The following PHACTR2 variants were observed in gnomAD, a reference collection of about 807,000 sequenced individuals.
PHACTR2 encodes phosphatase and actin regulator 2, also known as chromosome 6 open reading frame 56.
Under a neutral mutation model 76.0 loss-of-function variants are expected in PHACTR2, and 30 were observed. That is an observed-to-expected ratio of 0.39 (90% confidence interval 0.30 to 0.54). The LOEUF (loss-of-function observed/expected upper bound fraction) is 0.54. Ranked by LOEUF, PHACTR2 falls within the 20% of genes least tolerant of loss-of-function variation. The probability of loss-of-function intolerance (pLI) is 0.61; values close to 1 mark genes in which losing one functional copy is unlikely to be tolerated. For missense variants in PHACTR2, 696 were observed against 781.1 expected (o/e 0.89, Z 1.30); for synonymous variants, 292 against 292.5 (o/e 1.00, Z 0.02).
At position 143,826,822 on chromosome 6, in the gene PHACTR2, T is replaced by G. The variant is rs1274633105; in HGVS notation, c.*3133T>G. 1 of 152,110 alleles carries G rather than the reference T, an allele frequency of 6.6e-6. No homozygotes were observed. Among genetic ancestry groups the G allele is most frequent in the African/African-American group, 2.4e-5 (1 of 41,402 alleles). The allele number at this position is 152,110 out of a possible 1,614,324, so 9.4% of individuals were successfully genotyped here. A position where few individuals can be genotyped will look rare whatever the true frequency, so the allele number is the denominator to read the frequency against. ...CTGAAATCTGTAATAGAGAACCATT[T>G]TGGCATTTGAACAGCTATTTTACAT... On this transcript the variant is annotated 3_prime_UTR_variant, in exon 13 of 13. Coordinates refer to ENST00000440869, the MANE Select transcript of PHACTR2 (RefSeq NM_001100164.2).
rs1221004367 is a variant in PHACTR2, at chr6:143,678,944, A to C, written c.46+735A>C. 6.6e-6 allele frequency among the ~76,000 whole-genome samples: 1 copy of C among 151,834 alleles called. No homozygotes were observed. The highest frequency in any genetic ancestry group is 2.0e-4 in the East Asian group (1 of 5,002). ...CATTTCCCCGACAGTGTAGGGATAAAAAAAAAAAAAACTGTTTGGTGGTGT... is the reference window on the plus strand; with the variant it reads ...CATTTCCCCGACAGTGTAGGGATAACAAAAAAAAAAACTGTTTGGTGGTGT... On this transcript the variant is annotated intron_variant, in intron 1 of 12. Transcript: ENST00000440869. The surrounding 1 kb of genome is among the most constrained non-coding windows in gnomAD (Gnocchi z 6.2).
At position 143,547,259 on chromosome 6, in the gene PHACTR2, A is replaced by C. The variant is rs1775013246; in HGVS notation, c.217+10052A>C. On this transcript the variant is annotated intron_variant, in intron 1 of 11. Transcript: ENST00000367584. This position sits in a 1 kb window ranked among gnomAD's most constrained non-coding sequence, Gnocchi z 4.2. ...TACCTCAATTGTAGCTCTTTCTAAAAATCATGTCTACATTTGAGTGACATA... is the reference window on the plus strand; with the variant it reads ...TACCTCAATTGTAGCTCTTTCTAAACATCATGTCTACATTTGAGTGACATA... Among the ~76,000 whole-genome samples, 1 of 152,218 alleles carries C rather than the reference A, an allele frequency of 6.6e-6. No individual in the cohort carries two copies. The highest frequency in any genetic ancestry group is 6.5e-5 in the Admixed American group (1 of 15,284).
chr6:143,720,728 C>G (rs1194195968), intron 2 of PHACTR2, among the ~76,000 whole-genome samples: 1 of 152,122 alleles, frequency 6.6e-6, no homozygotes, highest in Non-Finnish European at 1.5e-5. Flanking sequence ...CCTCCCACCT[C>G]AAGTCCCCTG....
In PHACTR2 at chr6:143,803,383, C is replaced by T. The variant is rs1211251680; in HGVS notation, c.1846-3674C>T. ...GCCAACATTGCGAAATCCATCTCCA[C>T]AAAAGATACAAAAAATTAGCCAGGC... On this transcript the variant is annotated intron_variant, in intron 11 of 12. Coordinates refer to ENST00000440869, the MANE Select transcript of PHACTR2 (RefSeq NM_001100164.2). This position sits in a 1 kb window ranked among gnomAD's most constrained non-coding sequence, Gnocchi z 4.7. Among the ~76,000 whole-genome samples, 3 of 152,008 alleles carry T rather than the reference C, an allele frequency of 2.0e-5. No homozygotes were observed. The highest frequency in any genetic ancestry group is 2.9e-5 in the Non-Finnish European group (2 of 68,006).
rs998379344 is a variant in PHACTR2 at position 143,696,619 on chromosome 6, A to T, written c.47-15397A>T. 1.1e-4 allele frequency among the ~76,000 whole-genome samples: 16 copies of T among 152,222 alleles called. No individual in the cohort carries two copies. Among genetic ancestry groups the T allele is most frequent in the African/African-American group, 3.9e-4 (16 of 41,454 alleles). On this transcript the variant is annotated intron_variant, in intron 1 of 12. Transcript: ENST00000440869. This position sits in a 1 kb window ranked among gnomAD's most constrained non-coding sequence, Gnocchi z 4.1. ...TGGGGAGGAACAGATTATTACATTC[A>T]GATCTTTCTGGCACTGGAAGCCCAT...
intron 2 of PHACTR2, among the ~76,000 whole-genome samples, chr6:143,736,443 T>C (rs1414322523): frequency 2.0e-5 from 3 of 150,970 alleles, no homozygotes; most frequent in Non-Finnish European, 4.4e-5. Context: ...CAAATGAAAA[T>C]ATTGGTGGAT....
rs914616839 is a variant in PHACTR2, at chr6:143,826,923, A to G, written c.*3234A>G. Reference sequence around the variant, plus strand: ...TGGTTTCATCTTCATATTGTTTAGTAGCATAATGAGAGTAGTCCTTTATCT... The same window carrying G: ...TGGTTTCATCTTCATATTGTTTAGTGGCATAATGAGAGTAGTCCTTTATCT... On this transcript the variant is annotated 3_prime_UTR_variant, in exon 13 of 13. Coordinates refer to ENST00000440869, the MANE Select transcript of PHACTR2 (RefSeq NM_001100164.2). 1.3e-5 allele frequency: 2 copies of G among 151,948 alleles called. No homozygotes were observed. Among genetic ancestry groups the G allele is most frequent in the Admixed American group, 1.3e-4 (2 of 15,240 alleles). 9.4% of individuals were successfully genotyped at this position (151,948 alleles called of 1,614,324 possible).
In PHACTR2 at chr6:143,561,247, C is replaced by T. The variant is rs1562684567; in HGVS notation, c.217+24040C>T. The stretch of plus-strand genomic sequence containing the variant: ...CTCTGAGCTCATTTCCCCTCCTCAC[C>T]CTGTGATGACAGTCTTAGCACTCAA... On this transcript the variant is annotated intron_variant, in intron 1 of 11. Coordinates refer to the PHACTR2 transcript ENST00000367584. This position sits in a 1 kb window ranked among gnomAD's most constrained non-coding sequence, Gnocchi z 4.1. The T allele has an allele frequency of 6.6e-6, 1 of 152,286 alleles. No individual in the cohort carries two copies. Among genetic ancestry groups the T allele is most frequent in the Non-Finnish European group, 1.5e-5 (1 of 68,128 alleles). The allele number at this position is 152,286 out of a possible 1,614,324, so 9.4% of individuals were successfully genotyped here. A position where few individuals can be genotyped will look rare whatever the true frequency, so the allele number is the denominator to read the frequency against.
rs1292816436 is a variant in PHACTR2, at chr6:143,827,164, A to ATATATATG, written c.*3482_*3483insGTATATAT. 6 of 42,956 alleles carry ATATATATG rather than the reference A, an allele frequency of 1.4e-4. No individual in the cohort carries two copies. The highest frequency in any genetic ancestry group is 3.1e-4 in the Non-Finnish European group (6 of 19,060). The allele number at this position is 42,956 out of a possible 1,614,324, so 2.7% of individuals were successfully genotyped here. A position where few individuals can be genotyped will look rare whatever the true frequency, so the allele number is the denominator to read the frequency against. On this transcript the variant is annotated 3_prime_UTR_variant, in exon 13 of 13. Coordinates refer to ENST00000440869, the MANE Select transcript of PHACTR2 (RefSeq NM_001100164.2). ...TGGCATTAAAAAAGAAAATATATAT[A>ATATATATG]TATATATATATATATATATATATAT... is the stretch of plus-strand genomic sequence containing the variant.
In PHACTR2 at chr6:143,602,250, T is replaced by C. The variant is rs1354432153; in HGVS notation, c.217+65043T>C. 6.6e-6 allele frequency among the ~76,000 whole-genome samples: 1 copy of C among 152,216 alleles called. No individual in the cohort carries two copies. Among genetic ancestry groups the C allele is most frequent in the Admixed American group, 6.5e-5 (1 of 15,278 alleles). ...TTTCTAATGACATCTTGAGGAAATT[T>C]CTGCTCAATTTTGAGGGCATACTGC... On this transcript the variant is annotated intron_variant, in intron 1 of 11. Transcript: ENST00000367584. This position sits in a 1 kb window ranked among gnomAD's most constrained non-coding sequence, Gnocchi z 6.1.
chr6:143,665,401 A>G (rs534360898), intron 1 of PHACTR2, among the ~76,000 whole-genome samples: 99 of 152,278 alleles, frequency 6.5e-4, no homozygotes, highest in Non-Finnish European at 1.2e-3. Context: ...TTGGCGACAC[A>G]TGGGATTGTT....
chr6:143,665,042 G>T (rs1275095292), intron 1 of PHACTR2, among the ~76,000 whole-genome samples: 1 of 151,848 alleles, frequency 6.6e-6, no homozygotes, highest in Non-Finnish European at 1.5e-5. Context: ...CAAGTGATCT[G>T]CCAGCCTCGG....
intron 1 of PHACTR2, among the ~76,000 whole-genome samples, chr6:143,657,697 C>G (rs1389859242): frequency 6.6e-6 from 1 of 152,176 alleles, no homozygotes; most frequent in Non-Finnish European, 1.5e-5. Context: ...GCAGCTCCAG[C>G]CCCAGCCTCA....
chr6:143,687,679 G>C (rs973482050), intron 1 of PHACTR2, among the ~76,000 whole-genome samples: 10 of 152,006 alleles, frequency 6.6e-5, no homozygotes, highest in African/African-American at 2.2e-4. Context: ...TCATTTCAAG[G>C]GGCTGGATGT....
intron 1 of PHACTR2, among the ~76,000 whole-genome samples, chr6:143,574,821 C>A (rs1490318739): frequency 6.6e-6 from 1 of 152,056 alleles, no homozygotes; most frequent in East Asian, 1.9e-4. Flanking sequence ...TAACAGCTGG[C>A]CTTCTCCTCC....
chr6:143,612,355 G>C (rs765183388), intron 1 of PHACTR2, among the ~76,000 whole-genome samples: 1 of 152,192 alleles, frequency 6.6e-6, no homozygotes, highest in Non-Finnish European at 1.5e-5. Context: ...AGCAGCCCAG[G>C]TTGTCATGCC....
intron 6 of PHACTR2, among the ~76,000 whole-genome samples, chr6:143,771,164 A>ATATATGTGTG (rs1775104863): frequency 1.3e-4 from 4 of 30,078 alleles, no homozygotes; most frequent in Non-Finnish European, 2.1e-4. Context: ...ATATGTATAT[A>ATATATGTGTG]TATATATATG....
rs958762533 is a variant in PHACTR2 at position 143,664,078 on chromosome 6, T to A, written c.14-47938T>A. 1.3e-5 allele frequency among the ~76,000 whole-genome samples: 2 copies of A among 152,188 alleles called. No individual in the cohort carries two copies. The highest frequency in any genetic ancestry group is 2.9e-5 in the Non-Finnish European group (2 of 68,012). ...TTTGCTTTAGATATATATATGGTTC[T>A]GATGTCAGGGATATATGAGATAATA... On this transcript the variant is annotated intron_variant, in intron 1 of 11. Coordinates refer to the PHACTR2 transcript ENST00000305766. This position sits in a 1 kb window ranked among gnomAD's most constrained non-coding sequence, Gnocchi z 5.1.
At position 143,654,910 on chromosome 6, in the gene PHACTR2, C is replaced by A. The variant is rs965533341; in HGVS notation, c.13+46588C>A. Among the ~76,000 whole-genome samples the A allele has an allele frequency of 6.6e-6, 1 of 152,270 alleles. No individual in the cohort carries two copies. Among genetic ancestry groups the A allele is most frequent in the Admixed American group, 6.5e-5 (1 of 15,298 alleles). On this transcript the variant is annotated intron_variant, in intron 1 of 11. Transcript: ENST00000305766. This position sits in a 1 kb window ranked among gnomAD's most constrained non-coding sequence, Gnocchi z 4.6. ...CTGTGGCTCACGCCTGTAATCCCAG[C>A]ACTTTGGGAGGCCGAGGTGGGTGGA...
Sources: gnomAD v4.1 joint callset for allele counts (sites outside exome capture counted in the v4.1 genomes callset) on GRCh38, gnomAD v4.1.1 for gene constraint, Gnocchi (gnomAD v3.1) non-coding constraint, MANE v1.5 for transcripts, NCBI Gene and HGNC (gene_info 2026-07-23, HGNC 2026-07-21) for gene names.